Variants in PRKX observed in about 807,000 individuals in gnomAD.
PRKX encodes the protein cAMP-dependent protein kinase catalytic subunit PRKX.
PRKX carries 12 observed loss-of-function variants against 22.0 expected under a neutral mutation model. That is an observed-to-expected ratio of 0.54 (90% CI 0.35 to 0.88). PRKX has a LOEUF of 0.88. Ranked by LOEUF, PRKX falls within the 40% of genes least tolerant of loss-of-function variation. PRKX has a pLI of 0.01. For missense variants in PRKX, 217 were observed against 308.0 expected (o/e 0.70, Z 2.21); for synonymous variants, 134 against 137.7 (o/e 0.97, Z 0.19).
intron 4 of PRKX, 34 bp downstream of exon 4, chrX:3,641,818 T>G (rs1255164970): frequency 2.3e-6 from 1 of 434,175 alleles, no homozygotes; most frequent in Non-Finnish European, 3.9e-6. Context: ...TGCTGGCCTG[T>G]AAGATGAAGA....
chrX:3,642,712 G>A (rs1468549245), intron 3 of PRKX, among the ~76,000 whole-genome samples: 1 of 109,484 alleles, frequency 9.1e-6, no homozygotes, highest in Admixed American at 9.8e-5. Flanking sequence ...TCAAGAACTC[G>A]CTTAGGCCGG....
intron 1 of PRKX, among the ~76,000 whole-genome samples, chrX:3,687,455 A>T (rs1368386898): frequency 2.7e-5 from 3 of 111,969 alleles, no homozygotes; most frequent in African/African-American, 9.7e-5. Flanking sequence ...AATTTTTTAG[A>T]TGTTTTGAGG....
intron 4 of PRKX, among the ~76,000 whole-genome samples, chrX:3,631,656 G>C (rs1926784678): frequency 8.9e-6 from 1 of 112,100 alleles, no homozygotes; most frequent in African/African-American, 3.2e-5. Flanking sequence ...TCCTGGATTA[G>C]GATGGCCCTA....
chrX:3,697,720 G>T (rs12390314), intron 1 of PRKX, among the ~76,000 whole-genome samples: 50,958 of 108,356 alleles, frequency 0.47, 10,144 homozygotes, highest in African/African-American at 0.73. Context: ...ACACTTTTTT[G>T]TTTTTGTTTT....
Position 3,640,426 on chromosome X carries a change from CA to C in PRKX, c.719+1425del, listed in dbSNP as rs1393958803. On this transcript the variant is annotated intron_variant, in intron 4 of 8. Coordinates refer to ENST00000262848, the MANE Select transcript of PRKX (RefSeq NM_005044.5). ...CGCTACTGTGTCATCTTAGCACTAA[CA>C]ACGGAACGAGGATGACGCCCACGTC... Among the ~76,000 whole-genome samples, 5 of 112,267 alleles carry C rather than the reference CA, an allele frequency of 4.5e-5. No homozygotes were observed. The Admixed American group carries it at 4.7e-4, about 11-fold the overall frequency.
At chrX:3,620,687 T>C (rs6641805) in intron 6 of PRKX, among the ~76,000 whole-genome samples, 22,444 of 111,659 alleles carry the variant, frequency 0.2, 2,262 homozygotes, top group African/African-American at 0.39. Context: ...GTGGAAAAAC[T>C]GTCTTCCACA....
At chrX:3,690,013 T>C (rs1024793707) in intron 1 of PRKX, among the ~76,000 whole-genome samples, 2 of 111,589 alleles carry the variant, frequency 1.8e-5, no homozygotes, top group Non-Finnish European at 1.9e-5. Context: ...GTGTGCTTAC[T>C]CTGTGAATAA....
intron 2 of PRKX, among the ~76,000 whole-genome samples, 175 bp from the exon 3 acceptor site, chrX:3,655,587 A>G (rs1440662914): frequency 8.9e-6 from 1 of 112,605 alleles, no homozygotes; most frequent in African/African-American, 3.2e-5. Context: ...GCACATGGGT[A>G]AAGACGGATG....
chrX:3,613,233 T>C (rs1160742886), intron 7 of PRKX, among the ~76,000 whole-genome samples: 1 of 101,833 alleles, frequency 9.8e-6, no homozygotes, highest in African/African-American at 3.5e-5. Flanking sequence ...GATTATATAG[T>C]CAAGTGCAAA....
chrX:3,622,358 T>C (rs1428376805), intron 5 of PRKX, among the ~76,000 whole-genome samples: 8 of 110,591 alleles, frequency 7.2e-5, no homozygotes, highest in Non-Finnish European at 1.3e-4. Context: ...TAATATGATA[T>C]AATAATATAA....
chrX:3,653,663 CTA>C (rs1334476948), intron 3 of PRKX, among the ~76,000 whole-genome samples: 3 of 66,709 alleles, frequency 4.5e-5, no homozygotes, highest in Non-Finnish European at 7.9e-5. Context: ...ATATAATATA[CTA>C]TGTGATATAT....
chrX:3,692,434 T>C (rs764100303), intron 1 of PRKX, among the ~76,000 whole-genome samples: 1 of 110,975 alleles, frequency 9.0e-6, no homozygotes, highest in Non-Finnish European at 1.9e-5. Flanking sequence ...ATGATAGGAA[T>C]GTTCTCTATC....
intron 2 of PRKX, among the ~76,000 whole-genome samples, chrX:3,668,954 C>T (rs1478596418): frequency 1.8e-5 from 2 of 112,741 alleles, no homozygotes; most frequent in Non-Finnish European, 3.8e-5. Flanking sequence ...ACATCTTTGG[C>T]TGTCACGCTG....
At chrX:3,710,992 G>A (rs1163098402) in intron 1 of PRKX, among the ~76,000 whole-genome samples, 2 of 111,759 alleles carry the variant, frequency 1.8e-5, no homozygotes, top group South Asian at 3.7e-4. Flanking sequence ...AGACACAATC[G>A]TGAAGGATCT....
At chrX:3,695,532 C>A (rs7879731) in intron 1 of PRKX, among the ~76,000 whole-genome samples, 46,223 of 109,766 alleles carry the variant, frequency 0.42, 7,785 homozygotes, top group African/African-American at 0.59. Flanking sequence ...CCCACCTCAG[C>A]CTCCTGAGTA....
intron 1 of PRKX, among the ~76,000 whole-genome samples, chrX:3,689,511 C>G (rs905566758): frequency 1.4e-4 from 16 of 111,610 alleles, no homozygotes; most frequent in Non-Finnish European, 9.4e-5. Context: ...GACCCCGTCT[C>G]TATTAAAAGA....
chrX:3,621,159 C>T (rs1405950445), intron 6 of PRKX, 100 bp downstream of exon 6: 10 of 692,083 alleles, frequency 1.4e-5, no homozygotes, highest in African/African-American at 4.5e-5. Flanking sequence ...TTAAATACGA[C>T]CGCTAAGCCT....
chrX:3,676,386 T>C lies in PRKX; in HGVS notation c.167-1620A>G, dbSNP rs1465638497. 4.5e-5 allele frequency among the ~76,000 whole-genome samples: 5 copies of C among 111,851 alleles called. No individual in the cohort carries two copies. In the East Asian group the frequency reaches 1.4e-3, roughly 32 times the overall value. ...GGCTGGTACTCCTGTGCCTGCTTTA[T>C]GCTAGATTGCAAAACCCAAGAGAAC... On this transcript the variant is annotated intron_variant, in intron 1 of 8. Coordinates refer to ENST00000262848, the MANE Select transcript of PRKX (RefSeq NM_005044.5).
At chrX:3,663,447 CACACACACACACACACACACAAAA>C (rs1399296934) in intron 2 of PRKX, among the ~76,000 whole-genome samples, 3 of 78,468 alleles carry the variant, frequency 3.8e-5, no homozygotes, top group Non-Finnish European at 7.2e-5. Context: ...CACACACACA[CACACACACACACACACACACAAAA>C]AAATTCAATT....
Sources: gnomAD v4.1 joint callset for allele counts (sites outside exome capture counted in the v4.1 genomes callset) on GRCh38, gnomAD v4.1.1 for gene constraint, MANE v1.5 for transcripts, NCBI Gene and HGNC (gene_info 2026-07-23, HGNC 2026-07-21) for gene names.